Variants in ZNF134 observed in about 807,000 individuals in gnomAD.
ZNF134 encodes zinc finger protein 134.
A neutral mutation model predicts 2.5 loss-of-function variants in ZNF134; 5 were observed. The ratio of observed to expected loss-of-function variants is 2.03; its 90% CI spans 1.06 to 4.27. ZNF134 has a LOEUF of 4.27. Ranked by LOEUF, ZNF134 falls within the 30% of genes most tolerant of loss-of-function variation. The probability of loss-of-function intolerance (pLI) is 0.00; values close to 1 mark genes in which losing one functional copy is unlikely to be tolerated. For missense variants in ZNF134, 540 were observed against 517.5 expected, an observed-to-expected ratio of 1.04 and a Z score of -0.42; for synonymous variants, 176 against 176.2, an observed-to-expected ratio of 1.00 and a Z score of 0.01.
At chr19:57,620,099 G>A (rs1030964620) in intron 2 of ZNF134, 61 bp from the exon 3 acceptor site, 1 of 1,559,636 alleles carries the variant, frequency 6.4e-7, no homozygotes, top group African/African-American at 1.4e-5. Flanking sequence ...ACATATTTGT[G>A]ATGTAGTTGC....
At chr19:57,619,747 A>G (rs1247156739) in intron 2 of ZNF134, 3 of 575,058 alleles carry the variant, frequency 5.2e-6, no homozygotes, top group Admixed American at 6.8e-5. Context: ...GCTTTCCAAT[A>G]TTGTACTACA....
In ZNF134 at chr19:57,616,396, A is replaced by G. The variant is rs138818183; in HGVS notation, c.-58+1893A>G. On this transcript the variant is annotated intron_variant, in intron 1 of 2. Transcript: ENST00000396161. Reference sequence around the variant, plus strand: ...GGAAAAATCTTAACCAAATTTTCTTAAAAGCTTTAAAGCAGGCAAAACAAA... The same window carrying G: ...GGAAAAATCTTAACCAAATTTTCTTGAAAGCTTTAAAGCAGGCAAAACAAA... Among the ~76,000 whole-genome samples the G allele has an allele frequency of 1.5e-4, 23 of 152,378 alleles. No homozygotes were observed. The East Asian group carries it at 4.4e-3, about 29-fold the overall frequency.
intron 1 of ZNF134, among the ~76,000 whole-genome samples, chr19:57,616,046 A>G (rs1981043378): frequency 6.6e-6 from 1 of 152,186 alleles, no homozygotes; most frequent in African/African-American, 2.4e-5. Flanking sequence ...AAGGTGAGGG[A>G]TGCAGTAGGT....
In ZNF134 at chr19:57,621,200, G is replaced by A. The variant is rs753867693; in HGVS notation, c.1081G>A (p.Ala361Thr). ...KFFSRSSDYI[A>T]HQRVHTGERP... ...CTTTAGTCGAAGTTCTGACTATATT[G>A]CACACCAGAGGGTTCACACTGGTGA... Residue 361 changes from alanine to threonine, a missense_variant, in exon 3 of 3, where the codon GCA becomes ACA. Ala to Thr is a moderately conservative substitution (Grantham distance 58). Coordinates refer to ENST00000396161, the MANE Select transcript of ZNF134 (RefSeq NM_003435.5). 4 of 1,614,002 alleles carry A rather than the reference G, an allele frequency of 2.5e-6. No homozygotes were observed. The South Asian group carries it at 3.3e-5, about 13-fold the overall frequency.
Position 57,620,020 on chromosome 19 carries a change from C to A in ZNF134, c.41-140C>A. 7.1e-6 allele frequency: 7 copies of A among 987,194 alleles called. No individual in the cohort carries two copies. The South Asian group carries it at 1.2e-4, about 16-fold the overall frequency. 61.2% of individuals were successfully genotyped at this position (987,194 alleles called of 1,614,324 possible). On this transcript the variant is annotated intron_variant, in intron 2 of 2. Transcript: ENST00000396161. ...TAGATTCCAGTACTGTACAGCAGCC[C>A]TTTTTTCAACCTGATCCTAGCTCTG...
chr19:57,615,185 C>G (rs1366104918), intron 1 of ZNF134, among the ~76,000 whole-genome samples: 1 of 152,000 alleles, frequency 6.6e-6, no homozygotes, highest in African/African-American at 2.4e-5. Context: ...GGGTTTTGGA[C>G]TTGGTGAATC....
intron 1 of ZNF134, among the ~76,000 whole-genome samples, chr19:57,615,614 G>GT (rs750156911): frequency 4.6e-5 from 7 of 152,274 alleles, no homozygotes; most frequent in Admixed American, 2.6e-4. Flanking sequence ...GAGGGAAGGG[G>GT]TTTTTATCTC....
chr19:57,620,423 A>G lies in ZNF134; in HGVS notation c.304A>G (p.Ile102Val). ...NLHQYQKCYS[I>V]EQPLRRDKSE... ...TCATCAGTACCAGAAGTGTTACAGTATAGAGCAACCCTTAAGAAGGGATAA... is the reference window on the plus strand; with the variant it reads ...TCATCAGTACCAGAAGTGTTACAGTGTAGAGCAACCCTTAAGAAGGGATAA... The change falls in exon 3 of 3, where the codon ATA becomes GTA. Residue 102 changes from isoleucine (I) to valine (V), a missense_variant. By Grantham distance (29) the Ile-to-Val change is conservative. Coordinates refer to ENST00000396161, the MANE Select transcript of ZNF134 (RefSeq NM_003435.5). The G allele has an allele frequency of 6.2e-7, 1 of 1,614,220 alleles. No homozygotes were observed. Among genetic ancestry groups the G allele is most frequent in the East Asian group, 2.2e-5 (1 of 44,890 alleles).
chr19:57,617,788 G>A (rs1007742056), intron 1 of ZNF134, among the ~76,000 whole-genome samples: 37 of 152,192 alleles, frequency 2.4e-4, no homozygotes, highest in African/African-American at 8.4e-4. Context: ...AGAGGTAGGG[G>A]CCATCTTAGA....
chr19:57,621,924 C>T lies in ZNF134; in HGVS notation c.*521C>T. On this transcript the variant is annotated 3_prime_UTR_variant, in exon 3 of 3. Coordinates refer to ENST00000396161, the MANE Select transcript of ZNF134 (RefSeq NM_003435.5). ...AATAAAGGCTTTACAGTTTAAGCCA[C>T]ATTTAATCTTGGGGCTTCTTCTTAT... 1 of 221,756 alleles carries T rather than the reference C, an allele frequency of 4.5e-6. No individual in the cohort carries two copies. The highest frequency in any genetic ancestry group is 6.9e-5 in the South Asian group (1 of 14,402). The allele number at this position is 221,756 out of a possible 1,614,324, so 13.7% of individuals were successfully genotyped here. A position where few individuals can be genotyped will look rare whatever the true frequency, so the allele number is the denominator to read the frequency against.
rs1228983550 is a variant in ZNF134 at position 57,624,378 on chromosome 19, GA to G, written c.*2986del. ...TCAACACCCTGGTTTTGGTGCAGCT[GA>G]AAAAAAAAAAGAAAAACCCAAACAA... On this transcript the variant is annotated 3_prime_UTR_variant, in exon 3 of 3. Coordinates refer to ENST00000396161, the MANE Select transcript of ZNF134 (RefSeq NM_003435.5). 3.3e-4 allele frequency: 47 copies of G among 140,866 alleles called. No homozygotes were observed. The highest frequency in any genetic ancestry group is 2.3e-4 in the Non-Finnish European group (15 of 64,136). The allele number at this position is 140,866 out of a possible 1,614,324, so 8.7% of individuals were successfully genotyped here. A position where few individuals can be genotyped will look rare whatever the true frequency, so the allele number is the denominator to read the frequency against.
At chr19:57,619,378 G>A (rs2122127256) in intron 1 of ZNF134, 34 bp from the exon 2 acceptor site, 1 of 1,516,960 alleles carries the variant, frequency 6.6e-7, no homozygotes, top group East Asian at 2.4e-5. Flanking sequence ...CTCTCAGCCT[G>A]TTTCACCTTT....
intron 1 of ZNF134, among the ~76,000 whole-genome samples, chr19:57,617,976 A>C (rs1981096308): frequency 6.6e-6 from 1 of 152,194 alleles, no homozygotes; most frequent in Non-Finnish European, 1.5e-5. Context: ...TCAGGCTTCC[A>C]TGGTGACCTT....
chr19:57,623,143 T>G lies in ZNF134; in HGVS notation c.*1740T>G, dbSNP rs1981279654. 1 of 152,182 alleles carries G rather than the reference T, an allele frequency of 6.6e-6. No homozygotes were observed. Among genetic ancestry groups the G allele is most frequent in the Non-Finnish European group, 1.5e-5 (1 of 68,026 alleles). The allele number at this position is 152,182 out of a possible 1,614,324, so 9.4% of individuals were successfully genotyped here. On this transcript the variant is annotated 3_prime_UTR_variant, in exon 3 of 3. Transcript: ENST00000396161. ...GTTTTCACTGTAGGTAAATTTGTCT[T>G]TTCTAGAATTTTATGTAAGTCTGCC...
Position 57,621,595 on chromosome 19 carries a change from C to A in ZNF134, c.*192C>A. ...ATCCATGTGGCCGAAACCATCTTAA[C>A]TCTACCAGCTAAGATACCCCAGCAT... On this transcript the variant is annotated 3_prime_UTR_variant, in exon 3 of 3. Coordinates refer to ENST00000396161, the MANE Select transcript of ZNF134 (RefSeq NM_003435.5). The A allele has an allele frequency of 1.1e-6, 1 of 873,344 alleles. No homozygotes were observed. The highest frequency in any genetic ancestry group is 1.9e-6 in the Non-Finnish European group (1 of 519,516). 54.1% of individuals were successfully genotyped at this position (873,344 alleles called of 1,614,324 possible).
intron 1 of ZNF134, among the ~76,000 whole-genome samples, chr19:57,616,304 G>A (rs540874663): frequency 6.6e-6 from 1 of 152,284 alleles, no homozygotes; most frequent in Admixed American, 6.5e-5. Flanking sequence ...ACAAAGTAAG[G>A]GAAATTTATA....
At chr19:57,617,212 G>C (rs944594209) in intron 1 of ZNF134, among the ~76,000 whole-genome samples, 11 of 152,132 alleles carry the variant, frequency 7.2e-5, no homozygotes, top group African/African-American at 2.7e-4. Flanking sequence ...GAGCTAGGAG[G>C]GAGTGATCTG....
At chr19:57,620,100 A>G in intron 2 of ZNF134, 60 bp from the exon 3 acceptor site, 1 of 1,560,964 alleles carries the variant, frequency 6.4e-7, no homozygotes, top group Non-Finnish European at 8.7e-7. Flanking sequence ...CATATTTGTG[A>G]TGTAGTTGCC....
chr19:57,620,739 G>A lies in ZNF134; in HGVS notation c.620G>A (p.Ser207Asn). The part of the protein sequence containing the change: ...IHSGEKPYEC[S>N]ECGKAFSRKA... ...AGTGGAGAGAAGCCTTATGAGTGCA[G>A]CGAATGTGGGAAAGCCTTCAGCCGC... is the stretch of plus-strand genomic sequence containing the variant. The change falls in exon 3 of 3, where the codon AGC becomes AAC. Residue 207 changes from serine to asparagine, a missense_variant. By Grantham distance (46) the Ser-to-Asn change is conservative. Transcript: ENST00000396161. The A allele has an allele frequency of 6.2e-7, 1 of 1,611,126 alleles. No individual in the cohort carries two copies. The highest frequency in any genetic ancestry group is 8.5e-7 in the Non-Finnish European group (1 of 1,177,404).
Sources: allele counts gnomAD v4.1 joint callset (sites outside exome capture counted in the v4.1 genomes callset), GRCh38; gene constraint gnomAD v4.1.1; transcripts MANE v1.5; gene names NCBI Gene and HGNC (gene_info 2026-07-23, HGNC 2026-07-21).